AHI1: variants seen among roughly 807,000 people sequenced by gnomAD.
AHI1 encodes the protein Abelson helper integration site 1, also known as jouberin.
A neutral mutation model predicts 149.3 loss-of-function variants in AHI1; 123 were observed. That is an observed-to-expected ratio of 0.82 (90% CI 0.71 to 0.96). AHI1 has a LOEUF of 0.96. Ranked by LOEUF, AHI1 falls within the 40% of genes least tolerant of loss-of-function variation. The probability of loss-of-function intolerance (pLI) is 0.00; values close to 1 mark genes in which losing one functional copy is unlikely to be tolerated. For missense variants in AHI1, 1,439 were observed against 1,422.7 expected (o/e 1.01, Z -0.18); for synonymous variants, 475 against 459.8 (o/e 1.03, Z -0.42).
intron 23 of AHI1, among the ~76,000 whole-genome samples, chr6:135,360,773 T>C (rs990684210): frequency 2.6e-5 from 4 of 152,156 alleles, no homozygotes; most frequent in Non-Finnish European, 5.9e-5. Context: ...TCTGCATATA[T>C]CCGAATGAAC....
intron 5 of AHI1, among the ~76,000 whole-genome samples, chr6:135,468,819 G>A (rs1302162293): frequency 2.0e-5 from 3 of 152,076 alleles, no homozygotes; most frequent in East Asian, 1.9e-4. Context: ...AATCCCTGAA[G>A]AGACTAATAA....
chr6:135,386,858 T>C (rs535736617), intron 23 of AHI1, among the ~76,000 whole-genome samples: 157 of 152,190 alleles, frequency 1.0e-3, no homozygotes, highest in Non-Finnish European at 1.6e-3. Context: ...CTTGAACTCC[T>C]GACCTCAGCT....
intron 25 of AHI1, 101 bp downstream of exon 25, chr6:135,323,061 C>CA: frequency 7.8e-7 from 1 of 1,277,856 alleles, no homozygotes; most frequent in Non-Finnish European, 1.0e-6. Context: ...TAAACATATG[C>CA]AAAGGTTACA....
At chr6:135,404,736 T>G (rs970928773) in intron 22 of AHI1, among the ~76,000 whole-genome samples, 31 of 152,332 alleles carry the variant, frequency 2.0e-4, no homozygotes, top group African/African-American at 7.2e-4. Context: ...TATTCTTAAA[T>G]CTTTAAAAAT....
chr6:135,331,645 T>C (rs1222731927), intron 24 of AHI1, among the ~76,000 whole-genome samples: 1 of 152,172 alleles, frequency 6.6e-6, no homozygotes, highest in Non-Finnish European at 1.5e-5. Flanking sequence ...TTCCTTACAG[T>C]TTTATCCACA....
intron 17 of AHI1, 55 bp downstream of exon 17, chr6:135,431,153 T>C: frequency 8.4e-7 from 1 of 1,194,722 alleles, no homozygotes; most frequent in South Asian, 1.4e-5. Flanking sequence ...GTCATGTGAT[T>C]GGATTTTTCC....
At chr6:135,339,006 C>G (rs1352817496) in intron 24 of AHI1, among the ~76,000 whole-genome samples, 3 of 151,686 alleles carry the variant, frequency 2.0e-5, no homozygotes, top group South Asian at 2.1e-4. Flanking sequence ...CGGCTCACTG[C>G]AACCTCTGCC....
intron 23 of AHI1, among the ~76,000 whole-genome samples, chr6:135,365,935 T>C (rs1774106561): frequency 6.6e-6 from 1 of 152,236 alleles, no homozygotes; most frequent in Non-Finnish European, 1.5e-5. Context: ...AGTATAATGT[T>C]GGCTGTGGGT....
intron 23 of AHI1, among the ~76,000 whole-genome samples, chr6:135,383,225 C>CTTTTTT (rs1237358406): frequency 8.5e-5 from 5 of 58,762 alleles, no homozygotes; most frequent in Non-Finnish European, 1.4e-4. Flanking sequence ...TTCCCCCCTC[C>CTTTTTT]CTTTTTTTTT....
At chr6:135,407,302 A>G (rs1435561307) in intron 21 of AHI1, among the ~76,000 whole-genome samples, 2 of 152,214 alleles carry the variant, frequency 1.3e-5, no homozygotes, top group Non-Finnish European at 2.9e-5. Flanking sequence ...TTTGGGGTCT[A>G]CTGAAATAAA....
In AHI1 at chr6:135,463,318, A is replaced by T; in HGVS notation, c.750-12T>A. The stretch of plus-strand genomic sequence containing the variant: ...AGATGGTCAATGTACTACAAATATA[A>T]TCCAAGTATCAGCCATTACAGATAT... On this transcript the variant is annotated splice_polypyrimidine_tract_variant and intron_variant, in intron 7 of 28. Transcript: ENST00000265602. The T allele has an allele frequency of 1.9e-6, 3 of 1,580,520 alleles. No homozygotes were observed. The highest frequency in any genetic ancestry group is 2.6e-6 in the Non-Finnish European group (3 of 1,165,404).
At chr6:135,308,000 T>C (rs910557352) in intron 26 of AHI1, among the ~76,000 whole-genome samples, 1 of 152,134 alleles carries the variant, frequency 6.6e-6, no homozygotes, top group Non-Finnish European at 1.5e-5. Flanking sequence ...AACCCTGGAA[T>C]AGAATGGTTG....
At chr6:135,376,607 G>A (rs867945616) in intron 23 of AHI1, among the ~76,000 whole-genome samples, 1 of 151,974 alleles carries the variant, frequency 6.6e-6, no homozygotes, top group Non-Finnish European at 1.5e-5. Flanking sequence ...TCGAAGGCCG[G>A]GCGCAGTGGC....
At chr6:135,302,420 G>A (rs1783991880) in intron 26 of AHI1, 2 of 993,742 alleles carry the variant, frequency 2.0e-6, no homozygotes, top group African/African-American at 3.5e-5. Context: ...ATGTTGCCAT[G>A]TGCAGGTCTT....
chr6:135,482,469 GT>G (rs113291233), intron 5 of AHI1, among the ~76,000 whole-genome samples: 29 of 143,174 alleles, frequency 2.0e-4, no homozygotes, highest in East Asian at 4.0e-4. Flanking sequence ...GCCCACCACT[GT>G]TTTTTTTTTT....
intron 5 of AHI1, among the ~76,000 whole-genome samples, chr6:135,487,949 CACAT>C (rs1794714677): frequency 6.6e-6 from 1 of 151,706 alleles, no homozygotes; most frequent in Non-Finnish European, 1.5e-5. Flanking sequence ...TCTAATAATG[CACAT>C]ATGTTTACAA....
intron 16 of AHI1, among the ~76,000 whole-genome samples, chr6:135,432,811 A>G (rs1784854734): frequency 6.6e-6 from 1 of 152,236 alleles, no homozygotes; most frequent in Admixed American, 6.5e-5. Flanking sequence ...TTGTTATAGC[A>G]AAGATTAATT....
chr6:135,462,421 C>A (rs990738857), intron 8 of AHI1, among the ~76,000 whole-genome samples: 1 of 151,946 alleles, frequency 6.6e-6, no homozygotes, highest in Non-Finnish European at 1.5e-5. Flanking sequence ...GGGAGGATAC[C>A]ATGTTGGACA....
At chr6:135,494,770 T>A (rs1263644544) in intron 3 of AHI1, among the ~76,000 whole-genome samples, 1 of 152,130 alleles carries the variant, frequency 6.6e-6, no homozygotes, top group Non-Finnish European at 1.5e-5. Context: ...CCAATGAGAA[T>A]CCTGTGAGCC....
Sources: allele counts gnomAD v4.1 joint callset (sites outside exome capture counted in the v4.1 genomes callset), GRCh38; gene constraint gnomAD v4.1.1; transcripts MANE v1.5; gene names NCBI Gene and HGNC (gene_info 2026-07-23, HGNC 2026-07-21).